The following NUDCD1 variants were observed in gnomAD, a reference collection of about 807,000 sequenced individuals.
NUDCD1 encodes nudC domain-containing protein 1.
NUDCD1 carries 60 observed loss-of-function variants against 67.8 expected under a neutral mutation model. The ratio of observed to expected loss-of-function variants is 0.88; its 90% CI spans 0.72 to 1.10. NUDCD1 has a LOEUF of 1.10. Among genes scored for constraint, NUDCD1 ranks in the 50% least tolerant of loss-of-function variants. The probability of loss-of-function intolerance (pLI) is 0.00; values close to 1 mark genes in which losing one functional copy is unlikely to be tolerated. For missense variants in NUDCD1, 643 were observed against 695.0 expected (o/e 0.93, Z 0.84); for synonymous variants, 244 against 230.8 (o/e 1.06, Z -0.52).
chr8:109,329,987 C>A, intron 1 of NUDCD1: 1 of 1,184,626 alleles, frequency 8.4e-7, no homozygotes, highest in South Asian at 3.0e-5. Context: ...TCTGACTAGT[C>A]AAGAAAGGAA....
intron 2 of NUDCD1, among the ~76,000 whole-genome samples, chr8:109,306,643 C>T (rs1338372518): frequency 6.6e-6 from 1 of 151,860 alleles, no homozygotes; most frequent in Non-Finnish European, 1.5e-5. Flanking sequence ...CCCCCCCACC[C>T]CCGGACCCCA....
At chr8:109,253,621 C>T (rs918884101) in intron 8 of NUDCD1, among the ~76,000 whole-genome samples, 1 of 152,178 alleles carries the variant, frequency 6.6e-6, no homozygotes, top group African/African-American at 2.4e-5. Context: ...CTGTTGCCTG[C>T]AACCTCTAAA....
Position 109,245,447 on chromosome 8 carries a change from A to T in NUDCD1, c.1334T>A (p.Val445Asp). Residue 445 changes from valine to aspartate, a missense_variant, in exon 9 of 10, where the codon GTC (valine) becomes GAC (aspartate). Physicochemically the swap from Val to Asp is radical, Grantham distance 152. Transcript: ENST00000239690. ...NLGSNQYLFSVIVDPKEMPCF... is the reference protein window; with the variant it reads ...NLGSNQYLFSDIVDPKEMPCF... ...GGGCATTTCTTTAGGATCCACTATGACAGAGAAAAGGTACTGGTTGCTTCC... is the reference window on the plus strand; with the variant it reads ...GGGCATTTCTTTAGGATCCACTATGTCAGAGAAAAGGTACTGGTTGCTTCC... The T allele has an allele frequency of 6.2e-7, 1 of 1,613,598 alleles. No individual in the cohort carries two copies. Among genetic ancestry groups the T allele is most frequent in the South Asian group, 1.1e-5 (1 of 90,984 alleles).
At chr8:109,271,248 G>T in intron 7 of NUDCD1, 118 bp from the exon 8 acceptor site, 1 of 605,018 alleles carries the variant, frequency 1.7e-6, no homozygotes, top group Non-Finnish European at 2.8e-6. Flanking sequence ...GCAAACCTAT[G>T]ACCAATAAAA....
chr8:109,258,686 C>G (rs1354803460), intron 8 of NUDCD1, among the ~76,000 whole-genome samples: 5 of 151,764 alleles, frequency 3.3e-5, no homozygotes, highest in Non-Finnish European at 7.4e-5. Context: ...TATATGAACA[C>G]AGATTCTAAG....
At chr8:109,332,570 C>G (rs1021640827) in intron 1 of NUDCD1, among the ~76,000 whole-genome samples, 3 of 152,184 alleles carry the variant, frequency 2.0e-5, no homozygotes, top group Non-Finnish European at 4.4e-5. Flanking sequence ...GCAGAGCTTC[C>G]CAGCAGATCC....
intron 5 of NUDCD1, among the ~76,000 whole-genome samples, chr8:109,286,085 G>A (rs1814569391): frequency 6.6e-6 from 1 of 151,888 alleles, no homozygotes; most frequent in South Asian, 2.1e-4. Context: ...AAATACCTAG[G>A]AATTCATCTA....
At chr8:109,294,483 T>C (rs1307041124) in intron 3 of NUDCD1, among the ~76,000 whole-genome samples, 2 of 152,080 alleles carry the variant, frequency 1.3e-5, no homozygotes, top group East Asian at 3.9e-4. Flanking sequence ...CAGGTTTTTA[T>C]TGGTTGATTG....
At chr8:109,296,326 T>C in intron 3 of NUDCD1, 58 bp downstream of exon 3, 1 of 1,303,786 alleles carries the variant, frequency 7.7e-7, no homozygotes, top group East Asian at 2.3e-5. Context: ...TTAAAATAAG[T>C]AGGGTGTAAT....
chr8:109,311,722 G>A (rs937738798), intron 2 of NUDCD1, among the ~76,000 whole-genome samples: 1 of 151,976 alleles, frequency 6.6e-6, no homozygotes, highest in Non-Finnish European at 1.5e-5. Context: ...GCTAAGCTAT[G>A]AGGATGCAAA....
At chr8:109,300,927 G>T (rs1173146343) in intron 2 of NUDCD1, among the ~76,000 whole-genome samples, 1 of 152,182 alleles carries the variant, frequency 6.6e-6, no homozygotes, top group Non-Finnish European at 1.5e-5. Context: ...CAAGCTAGAA[G>T]GGATTGGGGC....
chr8:109,334,069 C>G lies in NUDCD1; in HGVS notation c.-59G>C. On this transcript the variant is annotated 5_prime_UTR_variant, in exon 1 of 10. Coordinates refer to ENST00000239690, the MANE Select transcript of NUDCD1 (RefSeq NM_032869.4). ...AGCCCTTGTTGAAAGGTCCGCGCTT[C>G]ACGCCTCGCACAGAGACTGGGAAGC... The G allele has an allele frequency of 1.2e-6, 2 of 1,607,026 alleles. No homozygotes were observed. Among genetic ancestry groups the G allele is most frequent in the Non-Finnish European group, 1.7e-6 (2 of 1,175,868 alleles).
chr8:109,317,417 T>C (rs1815425612), intron 2 of NUDCD1, among the ~76,000 whole-genome samples: 1 of 152,158 alleles, frequency 6.6e-6, no homozygotes, highest in South Asian at 2.1e-4. Context: ...TGTGGCATTC[T>C]GGAATAAATG....
chr8:109,270,455 T>C (rs139112425), intron 8 of NUDCD1, among the ~76,000 whole-genome samples: 2 of 152,262 alleles, frequency 1.3e-5, no homozygotes, highest in African/African-American at 4.8e-5. Context: ...ATATAAGTGG[T>C]AATCAATTTG....
At chr8:109,291,682 A>G (rs1814715326) in intron 4 of NUDCD1, among the ~76,000 whole-genome samples, 3 of 152,334 alleles carry the variant, frequency 2.0e-5, no homozygotes, top group Admixed American at 2.0e-4. Context: ...GATAAAGGGA[A>G]CAATAAAGAG....
intron 7 of NUDCD1, 58 bp from the exon 8 acceptor site, chr8:109,271,188 T>C: frequency 8.3e-7 from 1 of 1,201,482 alleles, no homozygotes; most frequent in East Asian, 2.4e-5. Context: ...GGGAATGGGT[T>C]TCTTCATCTT....
intron 8 of NUDCD1, among the ~76,000 whole-genome samples, chr8:109,253,443 G>A (rs1586251439): frequency 6.6e-6 from 1 of 152,156 alleles, no homozygotes; most frequent in African/African-American, 2.4e-5. Context: ...ATCAGAACTT[G>A]TGCTATTTTC....
chr8:109,255,979 T>C (rs1244169056), intron 8 of NUDCD1, among the ~76,000 whole-genome samples: 1 of 151,706 alleles, frequency 6.6e-6, no homozygotes, highest in African/African-American at 2.4e-5. Context: ...GAGGCTGAAG[T>C]GGAAAGATTA....
intron 2 of NUDCD1, among the ~76,000 whole-genome samples, chr8:109,320,162 T>C (rs1044226745): frequency 1.1e-4 from 16 of 152,176 alleles, no homozygotes; most frequent in African/African-American, 3.9e-4. Flanking sequence ...GATAACATCT[T>C]ATCAGGAGAC....
Sources: allele counts gnomAD v4.1 joint callset (sites outside exome capture counted in the v4.1 genomes callset), GRCh38; gene constraint gnomAD v4.1.1; transcripts MANE v1.5; gene names NCBI Gene and HGNC (gene_info 2026-07-23, HGNC 2026-07-21).